JARID2: variants seen among roughly 807,000 people sequenced by gnomAD.
JARID2 encodes jumonji and AT-rich interaction domain containing 2.
A neutral mutation model predicts 125.6 loss-of-function variants in JARID2; 21 were observed. That is an observed-to-expected ratio of 0.17 (90% CI 0.12 to 0.24). JARID2 has a LOEUF of 0.24. Among genes scored for constraint, JARID2 ranks in the 10% least tolerant of loss-of-function variants. The pLI is 1.00. For synonymous variants in JARID2, 736 were observed against 661.6 expected (o/e 1.11, Z -1.73); for missense variants, 1,303 against 1,639.6 (o/e 0.79, Z 3.55).
chr6:15,484,594 C>G (rs1250389086), intron 5 of JARID2, among the ~76,000 whole-genome samples: 2 of 152,180 alleles, frequency 1.3e-5, no homozygotes, highest in Non-Finnish European at 2.9e-5. Context: ...GGTAGATGTT[C>G]TACCTACCGG....
At chr6:15,364,267 C>T (rs1288521161) in intron 1 of JARID2, among the ~76,000 whole-genome samples, 2 of 152,188 alleles carry the variant, frequency 1.3e-5, no homozygotes, top group African/African-American at 4.8e-5. Context: ...TAATTCTAAC[C>T]AGCCCTGTCA....
At chr6:15,423,907 G>A (rs955726618) in intron 3 of JARID2, among the ~76,000 whole-genome samples, 5 of 152,054 alleles carry the variant, frequency 3.3e-5, no homozygotes, top group African/African-American at 1.2e-4. Context: ...GTCTTTGGGT[G>A]GAGCTCCGTT....
chr6:15,376,232 T>C (rs1364772552), intron 2 of JARID2, among the ~76,000 whole-genome samples: 3 of 152,216 alleles, frequency 2.0e-5, no homozygotes, highest in African/African-American at 7.2e-5. Flanking sequence ...TTAAGTCTTT[T>C]AAAAAATACA....
intron 1 of JARID2, among the ~76,000 whole-genome samples, chr6:15,340,052 C>T (rs905367839): frequency 2.6e-5 from 4 of 151,586 alleles, no homozygotes; most frequent in African/African-American, 9.7e-5. Context: ...CTCTGACTCC[C>T]GGGTTCATGC....
At chr6:15,273,267 A>C (rs1245418920) in intron 1 of JARID2, among the ~76,000 whole-genome samples, 1 of 152,176 alleles carries the variant, frequency 6.6e-6, no homozygotes, top group Non-Finnish European at 1.5e-5. Context: ...CTGTAAACAT[A>C]CCCTGAATTT....
At chr6:15,321,799 T>TG (rs1561791437) in intron 1 of JARID2, among the ~76,000 whole-genome samples, 1 of 139,620 alleles carries the variant, frequency 7.2e-6, no homozygotes, top group Non-Finnish European at 1.5e-5. Context: ...TTTTTTTTTT[T>TG]TTTTTTTTTT....
intron 3 of JARID2, among the ~76,000 whole-genome samples, chr6:15,438,826 A>T (rs1253857277): frequency 6.6e-6 from 1 of 152,150 alleles, no homozygotes; most frequent in Admixed American, 6.5e-5. Context: ...GTCAGGAGTA[A>T]GAGACCACCA....
intron 4 of JARID2, among the ~76,000 whole-genome samples, chr6:15,462,842 A>C (rs1768518178): frequency 6.6e-6 from 1 of 152,244 alleles, no homozygotes. Flanking sequence ...AGAAGAATCC[A>C]ATTTTATAGA....
chr6:15,277,928 C>G (rs569622504), intron 1 of JARID2, among the ~76,000 whole-genome samples: 8 of 151,854 alleles, frequency 5.3e-5, no homozygotes, highest in African/African-American at 1.9e-4. Flanking sequence ...ATGCTGTAAA[C>G]AGTGTAAGGG....
chr6:15,392,039 G>GGTGT (rs55811028), intron 2 of JARID2, among the ~76,000 whole-genome samples: 2,011 of 122,760 alleles, frequency 0.016, 25 homozygotes, highest in Non-Finnish European at 0.021. Flanking sequence ...ATCCCAGAGT[G>GGTGT]GTGTGTGTGT....
At chr6:15,305,558 G>C (rs779338705) in intron 1 of JARID2, among the ~76,000 whole-genome samples, 1 of 152,154 alleles carries the variant, frequency 6.6e-6, no homozygotes, top group African/African-American at 2.4e-5. Context: ...GTTTGCATTT[G>C]TGGATGAGTT....
At chr6:15,400,116 G>C (rs1765367988) in intron 2 of JARID2, among the ~76,000 whole-genome samples, 1 of 152,174 alleles carries the variant, frequency 6.6e-6, no homozygotes, top group South Asian at 2.1e-4. Context: ...AGATCCTCAA[G>C]AAACAATGAG....
chr6:15,405,268 T>A (rs941617713), intron 2 of JARID2, among the ~76,000 whole-genome samples: 4 of 152,226 alleles, frequency 2.6e-5, no homozygotes, highest in African/African-American at 9.6e-5. Flanking sequence ...TCTTTTCATT[T>A]CTTGCTAATT....
chr6:15,520,689 GCACACA>G lies in JARID2; in HGVS notation c.*450_*455del, dbSNP rs112303618. 2.8e-5 allele frequency: 11 copies of G among 392,020 alleles called. No homozygotes were observed. Among genetic ancestry groups the G allele is most frequent in the South Asian group, 1.7e-4 (9 of 53,642 alleles). The allele number at this position is 392,020 out of a possible 1,614,324, so 24.3% of individuals were successfully genotyped here. On this transcript the variant is annotated 3_prime_UTR_variant, in exon 18 of 18. Transcript: ENST00000341776. Reference sequence around the variant, plus strand: ...TTTAGAAGGGATAGGAGACACACGCGCACACACACACACACACGAAACTTGAAATGG... The same window carrying G: ...TTTAGAAGGGATAGGAGACACACGCGCACACACACACGAAACTTGAAATGG...
At chr6:15,508,263 G>A (rs1771105769) in intron 11 of JARID2, 77 bp from the exon 12 acceptor site, 3 of 767,148 alleles carry the variant, frequency 3.9e-6, no homozygotes, top group Non-Finnish European at 7.1e-6. Flanking sequence ...GCGGAAGAAA[G>A]AGATTTTTAC....
Position 15,497,650 on chromosome 6 carries a change from CAA to C in JARID2, c.1945+494_1945+495del, listed in dbSNP as rs67874437. On this transcript the variant is annotated intron_variant, in intron 7 of 17. Transcript: ENST00000341776. ...TGGGTGACAGAGTGAGATTCCGTCT[CAA>C]AAAAAAAAAAAAAGTATTGAGCTTG... Among the ~76,000 whole-genome samples the C allele has an allele frequency of 2.3e-3, 303 of 133,448 alleles. 2 individuals are homozygous for C. Among genetic ancestry groups the C allele is most frequent in the African/African-American group, 7.7e-3 (275 of 35,534 alleles). The allele number at this position is 133,448 out of a possible 152,430, so 87.5% of individuals were successfully genotyped here. A position where few individuals can be genotyped will look rare whatever the true frequency, so the allele number is the denominator to read the frequency against.
Position 15,410,303 on chromosome 6 carries a change from A to G in JARID2, c.261A>G (p.Gln87=), listed in dbSNP as rs1387410517. ...AGAATGAAAAGGACGATGCATCCCA[A>G]GTGTCCTCCACTAGCAACGATGTTA... is the stretch of plus-strand genomic sequence containing the variant. ...QSENEKDDAS[Q]VSSTSNDVSS... is the part of the protein sequence containing the mutation. The change falls in exon 3 of 18, where the codon CAA becomes CAG. Residue 87 remains glutamine (Q), a synonymous_variant. Transcript: ENST00000341776. 6.2e-7 allele frequency: 1 copy of G among 1,614,050 alleles called. No individual in the cohort carries two copies. Among genetic ancestry groups the G allele is most frequent in the African/African-American group, 1.3e-5 (1 of 74,912 alleles).
intron 1 of JARID2, among the ~76,000 whole-genome samples, chr6:15,328,193 G>A (rs545928924): frequency 1.3e-5 from 2 of 152,152 alleles, no homozygotes; most frequent in African/African-American, 4.8e-5. Context: ...CCTCTTCTGA[G>A]GTCCGAAGAA....
chr6:15,321,001 G>A (rs1762336924), intron 1 of JARID2, among the ~76,000 whole-genome samples: 1 of 152,004 alleles, frequency 6.6e-6, no homozygotes, highest in South Asian at 2.1e-4. Flanking sequence ...TTGGGGATGG[G>A]AGGCGGTGTA....
Sources: gnomAD v4.1 joint callset for allele counts (sites outside exome capture counted in the v4.1 genomes callset) on GRCh38, gnomAD v4.1.1 for gene constraint, MANE v1.5 for transcripts, NCBI Gene and HGNC (gene_info 2026-07-23, HGNC 2026-07-21) for gene names.